Variants in ARHGAP10 observed in about 807,000 individuals in gnomAD.
ARHGAP10 encodes the protein Rho GTPase activating protein 10.
ARHGAP10 carries 87 observed loss-of-function variants against 108.6 expected under a neutral mutation model. The ratio of observed to expected loss-of-function variants is 0.80; its 90% CI spans 0.67 to 0.96. The LOEUF is 0.96. Among genes scored for constraint, ARHGAP10 ranks in the 40% least tolerant of loss-of-function variants. The pLI is 0.00. For synonymous variants in ARHGAP10, 347 were observed against 341.1 expected, an observed-to-expected ratio of 1.02 and a Z score of -0.19; for missense variants, 939 against 954.5, an observed-to-expected ratio of 0.98 and a Z score of 0.21.
chr4:147,822,367 G>A (rs954243832), intron 1 of ARHGAP10, among the ~76,000 whole-genome samples: 4 of 152,234 alleles, frequency 2.6e-5, no homozygotes, highest in Admixed American at 6.5e-5. Flanking sequence ...AGGTGTGTGT[G>A]TTCCTAATCA....
At chr4:148,064,548 A>G (rs1729777083) in intron 22 of ARHGAP10, 41 bp downstream of exon 22, 2 of 1,552,760 alleles carry the variant, frequency 1.3e-6, no homozygotes, top group Non-Finnish European at 1.8e-6. Context: ...TCCTGTCCGC[A>G]GGATTAATAA....
rs1471231016 is a variant in ARHGAP10, at chr4:147,802,564, A to G, written c.155-20163A>G. 2.0e-5 allele frequency among the ~76,000 whole-genome samples: 3 copies of G among 152,238 alleles called. No individual in the cohort carries two copies. The East Asian group carries it at 5.8e-4, about 29-fold the overall frequency. ...GTCCTCAGCAGAGTGTCTCTACAAT[A>G]TAAATAGTGGTATTTGTGTCTCGTA... On this transcript the variant is annotated intron_variant, in intron 1 of 22. Coordinates refer to ENST00000336498, the MANE Select transcript of ARHGAP10 (RefSeq NM_024605.4).
At chr4:147,956,064 A>C (rs780319941) in intron 16 of ARHGAP10, among the ~76,000 whole-genome samples, 15 of 152,124 alleles carry the variant, frequency 9.9e-5, no homozygotes, top group Non-Finnish European at 1.5e-4. Context: ...TAGGTATTTA[A>C]TAGTGAAGGA....
chr4:148,037,303 A>G (rs1249122225), intron 19 of ARHGAP10, among the ~76,000 whole-genome samples: 2 of 152,266 alleles, frequency 1.3e-5, no homozygotes, highest in East Asian at 3.9e-4. Context: ...AAACAAGTGG[A>G]TGTTATGATG....
At chr4:147,965,319 C>A (rs1739164564) in intron 17 of ARHGAP10, among the ~76,000 whole-genome samples, 190 bp downstream of exon 17, 1 of 152,142 alleles carries the variant, frequency 6.6e-6, no homozygotes, top group Admixed American at 6.5e-5. Flanking sequence ...ATTTGCTTAA[C>A]ATCTCTGCCA....
At chr4:147,823,014 G>A (rs1375329303) in intron 3 of ARHGAP10, 57 bp downstream of exon 3, 21 of 1,510,510 alleles carry the variant, frequency 1.4e-5, no homozygotes, top group South Asian at 1.0e-4. Context: ...AAAAAATCTG[G>A]ATTTGGAAGC....
intron 18 of ARHGAP10, among the ~76,000 whole-genome samples, chr4:148,002,963 A>C (rs1740788912): frequency 6.6e-6 from 1 of 151,876 alleles, no homozygotes; most frequent in African/African-American, 2.4e-5. Flanking sequence ...CTAGCTTTTG[A>C]ATGTGTTTGC....
In ARHGAP10 at chr4:147,966,727, G is replaced by C; in HGVS notation, c.1604G>C (p.Gly535Ala). The C allele has an allele frequency of 1.3e-6, 2 of 1,597,404 alleles. No individual in the cohort carries two copies. Among genetic ancestry groups the C allele is most frequent in the Non-Finnish European group, 1.7e-6 (2 of 1,168,792 alleles). The change falls in exon 18 of 23, where the codon GGA becomes GCA. Residue 535 changes from glycine to alanine, a missense_variant. Gly to Ala is a moderately conservative substitution (Grantham distance 60, BLOSUM62 0). Transcript: ENST00000336498. ...AACCTGATGACTGTGGCAAACTTAGGAGTGGTGTTTGGACCAACTCTGATG... is the reference window on the plus strand; with the variant it reads ...AACCTGATGACTGTGGCAAACTTAGCAGTGGTGTTTGGACCAACTCTGATG... ...KQNLMTVANL[G>A]VVFGPTLMRP...
chr4:147,842,152 C>T (rs1490513359), intron 3 of ARHGAP10, among the ~76,000 whole-genome samples: 2 of 152,104 alleles, frequency 1.3e-5, no homozygotes, highest in Non-Finnish European at 2.9e-5. Context: ...ACCAGCTGGT[C>T]TCAAACTCCT....
chr4:147,928,132 T>C lies in ARHGAP10; in HGVS notation c.1229-11693T>C, dbSNP rs1397196244. On this transcript the variant is annotated intron_variant, in intron 13 of 22. Transcript: ENST00000336498. ...TACAGAGGTTACAGCTAGTAAACTT[T>C]CTACCTTTCGTATTTGAGACTTGGA... Among the ~76,000 whole-genome samples, 4 of 152,212 alleles carry C rather than the reference T, an allele frequency of 2.6e-5. No homozygotes were observed. In the East Asian group the frequency reaches 7.7e-4, roughly 29 times the overall value.
chr4:147,902,235 T>C (rs1011596984), intron 10 of ARHGAP10, among the ~76,000 whole-genome samples: 1 of 152,238 alleles, frequency 6.6e-6, no homozygotes, highest in African/African-American at 2.4e-5. Context: ...TAATATGTTT[T>C]TGCATTCAAC....
chr4:147,945,753 T>G (rs1048371879), intron 14 of ARHGAP10, among the ~76,000 whole-genome samples: 3 of 152,198 alleles, frequency 2.0e-5, no homozygotes, highest in Non-Finnish European at 4.4e-5. Context: ...GATGCAGGAT[T>G]TTTTTGCTCC....
At chr4:147,888,883 A>G (rs1056051347) in intron 10 of ARHGAP10, among the ~76,000 whole-genome samples, 5 of 152,198 alleles carry the variant, frequency 3.3e-5, no homozygotes, top group African/African-American at 1.2e-4. Flanking sequence ...AAAAGTGTGA[A>G]TGAGATAGGC....
At chr4:147,995,413 A>G (rs895563632) in intron 18 of ARHGAP10, among the ~76,000 whole-genome samples, 7 of 152,206 alleles carry the variant, frequency 4.6e-5, no homozygotes, top group Non-Finnish European at 1.0e-4. Context: ...TGTAATAAAA[A>G]TATGTGATCT....
chr4:147,951,805 A>G (rs539214530), intron 15 of ARHGAP10, among the ~76,000 whole-genome samples: 7 of 152,234 alleles, frequency 4.6e-5, no homozygotes, highest in South Asian at 4.1e-4. Context: ...TTGACATACA[A>G]TAAGCTGCAT....
intron 10 of ARHGAP10, among the ~76,000 whole-genome samples, chr4:147,900,848 C>T (rs1229327147): frequency 7.1e-6 from 1 of 140,408 alleles, no homozygotes; most frequent in Non-Finnish European, 1.6e-5. Flanking sequence ...CAACAACACG[C>T]CTTGAGACAG....
intron 13 of ARHGAP10, among the ~76,000 whole-genome samples, chr4:147,927,938 C>T (rs1432734828): frequency 6.6e-6 from 1 of 152,174 alleles, no homozygotes; most frequent in Non-Finnish European, 1.5e-5. Flanking sequence ...CCCTGTTACT[C>T]CGTCGCTTTC....
At chr4:147,941,639 T>C (rs1007850957) in intron 14 of ARHGAP10, among the ~76,000 whole-genome samples, 2 of 152,188 alleles carry the variant, frequency 1.3e-5, no homozygotes, top group Non-Finnish European at 2.9e-5. Flanking sequence ...GATACTGACT[T>C]GTTACCTCCT....
intron 15 of ARHGAP10, among the ~76,000 whole-genome samples, chr4:147,953,127 T>C (rs946432356): frequency 3.3e-5 from 5 of 151,990 alleles, no homozygotes; most frequent in African/African-American, 1.2e-4. Context: ...ACCCAACTTA[T>C]GATATATTAT....
Sources: allele counts gnomAD v4.1 joint callset (sites outside exome capture counted in the v4.1 genomes callset), GRCh38; gene constraint gnomAD v4.1.1; transcripts MANE v1.5; gene names NCBI Gene and HGNC (gene_info 2026-07-23, HGNC 2026-07-21).